The following GABRB1 variants were observed in gnomAD, a reference collection of about 807,000 sequenced individuals.
GABRB1 encodes gamma-aminobutyric acid receptor subunit beta-1.
Under a neutral mutation model 51.6 loss-of-function variants are expected in GABRB1, and 17 were observed. The observed-to-expected ratio is 0.33, with a 90% CI of 0.23 to 0.49. GABRB1 has a LOEUF of 0.49. Among genes scored for constraint, GABRB1 ranks in the 20% least tolerant of loss-of-function variants. GABRB1 has a pLI of 0.99. For synonymous variants in GABRB1, 247 were observed against 218.9 expected (o/e 1.13, Z -1.14); for missense variants, 410 against 600.6 (o/e 0.68, Z 3.32).
chr4:47,190,794 GT>G (rs1008780536), intron 4 of GABRB1, among the ~76,000 whole-genome samples: 3 of 152,082 alleles, frequency 2.0e-5, no homozygotes, highest in Admixed American at 6.6e-5. Context: ...GTAGATTTGG[GT>G]GGGGCCTGAG....
intron 4 of GABRB1, among the ~76,000 whole-genome samples, chr4:47,309,607 G>T (rs1325955539): frequency 2.0e-5 from 3 of 152,084 alleles, no homozygotes; most frequent in Admixed American, 2.0e-4. Flanking sequence ...GAATTGTTAA[G>T]TAAGTCACAG....
intron 3 of GABRB1, among the ~76,000 whole-genome samples, chr4:47,109,625 A>C (rs1715132941): frequency 1.3e-5 from 2 of 152,008 alleles, no homozygotes; most frequent in Non-Finnish European, 2.9e-5. Context: ...TGTGGTAAAT[A>C]AGGTTTTGGA....
intron 4 of GABRB1, among the ~76,000 whole-genome samples, chr4:47,259,896 T>G (rs1313895794): frequency 6.6e-6 from 1 of 152,190 alleles, no homozygotes; most frequent in Non-Finnish European, 1.5e-5. Context: ...GCTTTCTGTC[T>G]CGTTGATCTG....
chr4:47,020,837 G>C (rs977827857), intron 1 of GABRB1, among the ~76,000 whole-genome samples: 1 of 152,084 alleles, frequency 6.6e-6, no homozygotes, highest in Non-Finnish European at 1.5e-5. Flanking sequence ...TCCTTCCACT[G>C]GTTTTCCATC....
At chr4:47,126,230 A>T (rs963937875) in intron 3 of GABRB1, among the ~76,000 whole-genome samples, 9 of 152,176 alleles carry the variant, frequency 5.9e-5, no homozygotes, top group Admixed American at 6.5e-5. Flanking sequence ...TGTAGAATGT[A>T]AAAAAGGTGA....
chr4:47,311,264 A>ACAAAATACCAAGC (rs1369590623), intron 4 of GABRB1, among the ~76,000 whole-genome samples: 1 of 150,808 alleles, frequency 6.6e-6, no homozygotes, highest in Admixed American at 6.6e-5. Flanking sequence ...CAACAACAAA[A>ACAAAATACCAAGC]TACCAAGCGT....
At chr4:47,421,793 T>C (rs1729097406) in intron 8 of GABRB1, among the ~76,000 whole-genome samples, 1 of 152,116 alleles carries the variant, frequency 6.6e-6, no homozygotes. Context: ...TACAGTTTGA[T>C]TGAAAACTTG....
chr4:47,242,073 T>C (rs1327279485), intron 4 of GABRB1, among the ~76,000 whole-genome samples: 7 of 151,960 alleles, frequency 4.6e-5, no homozygotes, highest in Non-Finnish European at 2.9e-5. Flanking sequence ...TGTGTGATGT[T>C]CCCCACCCTG....
chr4:47,043,889 CTT>C (rs927938786), intron 3 of GABRB1, among the ~76,000 whole-genome samples: 1 of 152,074 alleles, frequency 6.6e-6, no homozygotes, highest in Non-Finnish European at 1.5e-5. Flanking sequence ...TTCAGGTACT[CTT>C]TTTATATCAG....
chr4:47,156,451 T>C (rs1247951183), intron 3 of GABRB1, among the ~76,000 whole-genome samples: 1 of 152,070 alleles, frequency 6.6e-6, no homozygotes, highest in Non-Finnish European at 1.5e-5. Context: ...CTCTGGCCTC[T>C]ACTCACAGAT....
At chr4:47,251,980 A>G (rs910532342) in intron 4 of GABRB1, among the ~76,000 whole-genome samples, 1 of 152,108 alleles carries the variant, frequency 6.6e-6, no homozygotes, top group African/African-American at 2.4e-5. Flanking sequence ...TGCTGGATTC[A>G]CGCCCTCCCT....
chr4:47,032,870 C>A (rs1258253361), intron 3 of GABRB1: 3 of 402,104 alleles, frequency 7.5e-6, no homozygotes, highest in African/African-American at 6.2e-5. Context: ...GCAGCCATCA[C>A]CTCCCCAGGC....
At chr4:47,028,653 TA>T (rs1257892680), upstream of GABRB1, among the ~76,000 whole-genome samples, 1 of 151,432 alleles carries the variant, frequency 6.6e-6, no homozygotes, top group African/African-American at 2.4e-5. Flanking sequence ...ATTTTTTTGA[TA>T]AAATATTGTA....
intron 4 of GABRB1, among the ~76,000 whole-genome samples, chr4:47,250,891 A>T (rs1721961591): frequency 6.6e-6 from 1 of 152,034 alleles, no homozygotes; most frequent in Non-Finnish European, 1.5e-5. Context: ...TGCGCTTCAC[A>T]TTTCTCTGGT....
intron 4 of GABRB1, among the ~76,000 whole-genome samples, chr4:47,253,897 T>C (rs1361667087): frequency 1.3e-5 from 2 of 152,228 alleles, no homozygotes; most frequent in African/African-American, 4.8e-5. Flanking sequence ...ATGGTAATTG[T>C]ATACTTTATT....
intron 1 of GABRB1, among the ~76,000 whole-genome samples, chr4:47,001,355 G>C (rs7684209): frequency 1.3e-5 from 2 of 151,830 alleles, no homozygotes; most frequent in South Asian, 2.1e-4. Flanking sequence ...TGTTAGCCAG[G>C]ATGGTCTGAA....
chr4:47,145,974 A>C (rs998106249), intron 3 of GABRB1, among the ~76,000 whole-genome samples: 12 of 152,044 alleles, frequency 7.9e-5, no homozygotes, highest in African/African-American at 2.9e-4. Context: ...TTTCTATACA[A>C]GGTGTCTCTT....
At chr4:47,134,159 T>C (rs1716541197) in intron 3 of GABRB1, among the ~76,000 whole-genome samples, 1 of 152,186 alleles carries the variant, frequency 6.6e-6, no homozygotes, top group Non-Finnish European at 1.5e-5. Flanking sequence ...TAATTTAGGA[T>C]ATTGCTACCA....
rs112724449 is a variant in GABRB1, at chr4:47,368,874, A to G, written c.545-34444A>G. On this transcript the variant is annotated intron_variant, in intron 5 of 8. Transcript: ENST00000295454. Reference sequence around the variant, plus strand: ...TGTAATCGCAACACTTTGGGAGACCAAGGCAGGTGGATCTCTTGAGGTCAG... The same window carrying G: ...TGTAATCGCAACACTTTGGGAGACCGAGGCAGGTGGATCTCTTGAGGTCAG... 8.0e-3 allele frequency among the ~76,000 whole-genome samples: 1,225 copies of G among 152,192 alleles called. 22 individuals carry two copies. Among genetic ancestry groups the G allele is most frequent in the African/African-American group, 0.028 (1,174 of 41,536 alleles).
Sources: gnomAD v4.1 joint callset for allele counts (sites outside exome capture counted in the v4.1 genomes callset) on GRCh38, gnomAD v4.1.1 for gene constraint, MANE v1.5 for transcripts, NCBI Gene and HGNC (gene_info 2026-07-23, HGNC 2026-07-21) for gene names.